Variants in COBL observed in about 807,000 individuals in gnomAD.
COBL encodes the protein cordon-bleu WH2 repeat protein, also known as protein cordon-bleu.
A neutral mutation model predicts 98.8 loss-of-function variants in COBL; 51 were observed. The ratio of observed to expected loss-of-function variants is 0.52; its 90% CI spans 0.41 to 0.65. The LOEUF is 0.65. Among genes scored for constraint, COBL ranks in the 30% least tolerant of loss-of-function variants. The pLI is 0.00. For synonymous variants in COBL, 634 were observed against 651.7 expected (o/e 0.97, Z 0.41); for missense variants, 1,617 against 1,617.5 (o/e 1.00, Z 0.01).
intron 1 of COBL, among the ~76,000 whole-genome samples, chr7:51,240,850 AT>A (rs1795726916): frequency 6.6e-6 from 1 of 152,142 alleles, no homozygotes; most frequent in Non-Finnish European, 1.5e-5. Flanking sequence ...GCCTACTATT[AT>A]TTTAAATTAG....
intron 6 of COBL, among the ~76,000 whole-genome samples, chr7:51,109,218 C>G (rs1796612145): frequency 1.3e-5 from 2 of 150,592 alleles, no homozygotes; most frequent in South Asian, 4.3e-4. Flanking sequence ...GCTGCCTCTT[C>G]TCTTCATCTC....
At chr7:51,211,887 T>C (rs1792470953) in intron 2 of COBL, among the ~76,000 whole-genome samples, 2 of 152,144 alleles carry the variant, frequency 1.3e-5, no homozygotes. Flanking sequence ...TCTCTGCCTC[T>C]CCTCTCTCTC....
intron 6 of COBL, among the ~76,000 whole-genome samples, chr7:51,115,163 T>G (rs1191062411): frequency 6.6e-6 from 1 of 152,054 alleles, no homozygotes; most frequent in Non-Finnish European, 1.5e-5. Flanking sequence ...GATATTAATT[T>G]ATGTTCTTTT....
intron 6 of COBL, among the ~76,000 whole-genome samples, chr7:51,098,716 T>C (rs1205845786): frequency 1.3e-5 from 2 of 152,114 alleles, no homozygotes; most frequent in Non-Finnish European, 2.9e-5. Flanking sequence ...TTCTTAGATA[T>C]GGCACCAAAA....
chr7:51,259,887 T>C, intron 1 of COBL: 1 of 756,306 alleles, frequency 1.3e-6, no homozygotes, highest in Non-Finnish European at 2.4e-6. Flanking sequence ...TCATTAATCC[T>C]TTCAATGCGT....
chr7:51,237,314 AAAG>A (rs1384743493), intron 1 of COBL, among the ~76,000 whole-genome samples: 1 of 139,788 alleles, frequency 7.2e-6, no homozygotes, highest in Non-Finnish European at 1.5e-5. Flanking sequence ...TTAAGCAAAT[AAAG>A]GAGTTTACTT....
chr7:51,042,563 T>C (rs1468500298), intron 8 of COBL, among the ~76,000 whole-genome samples: 1 of 151,764 alleles, frequency 6.6e-6, no homozygotes, highest in Admixed American at 6.6e-5. Flanking sequence ...GGTCTCACTA[T>C]ATTGACCATG....
chr7:51,024,809 G>A (rs374413310), intron 12 of COBL, among the ~76,000 whole-genome samples: 2 of 152,172 alleles, frequency 1.3e-5, no homozygotes, highest in South Asian at 2.1e-4. Context: ...CTGTGGGTTA[G>A]GGTGGAACTG....
In COBL at chr7:51,028,142, T is replaced by A. The variant is rs905957613; in HGVS notation, c.2954A>T (p.Asp985Val). Reference protein sequence around the residue: ...CFSLVQSSQRDRVSVGQSCGF... With the variant: ...CFSLVQSSQRVRVSVGQSCGF... Reference sequence around the variant, plus strand: ...ACAGCTCTGTCCCACAGAAACACGATCCCTCTGGGAAGACTGAACCAGTGA... The same window carrying A: ...ACAGCTCTGTCCCACAGAAACACGAACCCTCTGGGAAGACTGAACCAGTGA... Residue 985 changes from aspartate to valine, a missense_variant, in exon 10 of 13, where the codon GAT becomes GTT. Around this residue, in one of 3 missense-constraint regions of COBL, gnomAD observed 1,304 missense variants for 1,282.0 expected, o/e 1.02. Coordinates refer to ENST00000265136, the MANE Select transcript of COBL (RefSeq NM_015198.5). 6.2e-7 allele frequency: 1 copy of A among 1,614,092 alleles called. No individual in the cohort carries two copies.
intron 6 of COBL, among the ~76,000 whole-genome samples, chr7:51,117,272 T>C (rs1382111233): frequency 6.6e-6 from 1 of 152,084 alleles, no homozygotes; most frequent in Non-Finnish European, 1.5e-5. Flanking sequence ...AAAAAACTTT[T>C]GGCCCTTGTT....
At chr7:51,188,351 C>T (rs1041449528) in intron 4 of COBL, among the ~76,000 whole-genome samples, 1 of 152,260 alleles carries the variant, frequency 6.6e-6, no homozygotes, top group African/African-American at 2.4e-5. Context: ...AGGGCTCCTC[C>T]AGCAGTACCC....
chr7:51,268,108 G>A (rs60469658), intron 1 of COBL, among the ~76,000 whole-genome samples: 19,543 of 152,034 alleles, frequency 0.13, 1,720 homozygotes, highest in East Asian at 0.36. Context: ...TGTCCGCTGC[G>A]GGTGTCCTCA....
chr7:51,081,291 C>T (rs6953828), intron 7 of COBL, among the ~76,000 whole-genome samples: 126,761 of 152,156 alleles, frequency 0.83, 53,061 homozygotes, highest in Middle Eastern at 0.88. Flanking sequence ...TGAATTATGA[C>T]GCTGAGGGCA....
Position 51,138,211 on chromosome 7 carries a change from C to T in COBL, c.784-1880G>A, listed in dbSNP as rs34291165. On this transcript the variant is annotated intron_variant, in intron 5 of 12. Transcript: ENST00000265136. Reference sequence around the variant, plus strand: ...ATATAACAGAAAAGAAACTAACACCCAGAACACTCGTCAATGCCTATTTAG... The same window carrying T: ...ATATAACAGAAAAGAAACTAACACCTAGAACACTCGTCAATGCCTATTTAG... Among the ~76,000 whole-genome samples the T allele has an allele frequency of 3.2e-3, 485 of 152,276 alleles. 2 individuals are homozygous for T. The highest frequency in any genetic ancestry group is 4.9e-3 in the Non-Finnish European group (336 of 68,028).
intron 6 of COBL, among the ~76,000 whole-genome samples, chr7:51,125,048 A>G (rs919904882): frequency 6.6e-5 from 10 of 152,132 alleles, no homozygotes; most frequent in Non-Finnish European, 1.2e-4. Flanking sequence ...CCTGACCTTA[A>G]GTGATCTATC....
intron 7 of COBL, among the ~76,000 whole-genome samples, chr7:51,075,641 T>C (rs1212764919): frequency 1.3e-5 from 2 of 152,208 alleles, no homozygotes; most frequent in African/African-American, 4.8e-5. Flanking sequence ...TCTGCTTTTA[T>C]GAGCTGGCAA....
At chr7:51,210,364 C>G (rs992368941) in intron 2 of COBL, among the ~76,000 whole-genome samples, 7 of 152,200 alleles carry the variant, frequency 4.6e-5, no homozygotes, top group African/African-American at 1.7e-4. Flanking sequence ...ATCAGACATG[C>G]TTAAGTTACT....
chr7:51,147,032 G>C (rs1004075401), intron 5 of COBL, among the ~76,000 whole-genome samples: 9 of 152,148 alleles, frequency 5.9e-5, no homozygotes, highest in Middle Eastern at 3.2e-3. Flanking sequence ...CTGCAGGCCA[G>C]GGTCCCTGCA....
intron 1 of COBL, among the ~76,000 whole-genome samples, chr7:51,255,012 G>A (rs1317960773): frequency 6.6e-6 from 1 of 152,118 alleles, no homozygotes; most frequent in African/African-American, 2.4e-5. Flanking sequence ...GTACGTTGTG[G>A]ATAGTTCAAG....
Sources: gnomAD v4.1 joint callset for allele counts (sites outside exome capture counted in the v4.1 genomes callset) on GRCh38, gnomAD v4.1.1 for gene constraint, gnomAD v4.1.1 regional missense constraint, MANE v1.5 for transcripts, NCBI Gene and HGNC (gene_info 2026-07-23, HGNC 2026-07-21) for gene names.